The following KIF6 variants were observed in gnomAD, a reference collection of about 807,000 sequenced individuals.
KIF6 encodes kinesin family member 6, also known as kinesin-like protein KIF6.
Under a neutral mutation model 112.7 loss-of-function variants are expected in KIF6, and 106 were observed. The ratio of observed to expected loss-of-function variants is 0.94; its 90% CI spans 0.80 to 1.11. The LOEUF is 1.11. Among genes scored for constraint, KIF6 ranks in the 50% least tolerant of loss-of-function variants. The pLI, the probability that KIF6 is intolerant of heterozygous loss-of-function variation, is 0.00. For synonymous variants in KIF6, 339 were observed against 339.9 expected, an observed-to-expected ratio of 1.00 and a Z score of 0.03; for missense variants, 929 against 964.0, an observed-to-expected ratio of 0.96 and a Z score of 0.48.
At chr6:39,357,816 A>G (rs995002388) in intron 18 of KIF6, among the ~76,000 whole-genome samples, 6 of 152,208 alleles carry the variant, frequency 3.9e-5, no homozygotes, top group African/African-American at 1.4e-4. Context: ...ATGGCCAAAA[A>G]CAAATCTAGA....
chr6:39,669,207 T>C (rs1027799590), intron 3 of KIF6, among the ~76,000 whole-genome samples: 3 of 152,196 alleles, frequency 2.0e-5, no homozygotes. Context: ...AAGGTCACTT[T>C]TTAATTACTT....
At chr6:39,640,280 A>G (rs1784837459) in intron 3 of KIF6, among the ~76,000 whole-genome samples, 1 of 152,100 alleles carries the variant, frequency 6.6e-6, no homozygotes, top group Non-Finnish European at 1.5e-5. Flanking sequence ...ACTTTTTGGT[A>G]GAAGATGCTA....
At chr6:39,600,325 C>T (rs903858810) in intron 6 of KIF6, among the ~76,000 whole-genome samples, 1 of 152,128 alleles carries the variant, frequency 6.6e-6, no homozygotes, top group Non-Finnish European at 1.5e-5. Context: ...AGAGCTTTCA[C>T]GTTTCCTATT....
intron 15 of KIF6, among the ~76,000 whole-genome samples, chr6:39,390,048 A>AAAAAAAG (rs1258761315): frequency 7.3e-6 from 1 of 137,280 alleles, no homozygotes; most frequent in African/African-American, 3.1e-5. Flanking sequence ...AAAAAAAAAA[A>AAAAAAAG]AAAAGGAAAT....
chr6:39,450,208 T>G (rs1772598794), intron 13 of KIF6, among the ~76,000 whole-genome samples: 1 of 152,188 alleles, frequency 6.6e-6, no homozygotes, highest in African/African-American at 2.4e-5. Context: ...CAGAATGCTA[T>G]GGGGTCATCC....
At chr6:39,596,340 C>A in intron 6 of KIF6, 80 bp from the exon 7 acceptor site, 2 of 1,003,816 alleles carry the variant, frequency 2.0e-6, no homozygotes, top group South Asian at 1.5e-5. Context: ...AATAATATTT[C>A]TAGTGATAAG....
intron 14 of KIF6, among the ~76,000 whole-genome samples, chr6:39,422,074 G>A (rs1770414927): frequency 6.6e-6 from 1 of 152,126 alleles, no homozygotes; most frequent in South Asian, 2.1e-4. Context: ...TGTTCCATAG[G>A]CTTCTGGAAG....
At chr6:39,534,817 G>T (rs914402935) in intron 13 of KIF6, among the ~76,000 whole-genome samples, 1 of 152,236 alleles carries the variant, frequency 6.6e-6, no homozygotes. Flanking sequence ...AGGGAGAAAG[G>T]TTGGGTTACC....
At chr6:39,615,958 T>C (rs778715175) in intron 5 of KIF6, among the ~76,000 whole-genome samples, 1 of 152,086 alleles carries the variant, frequency 6.6e-6, no homozygotes, top group Non-Finnish European at 1.5e-5. Flanking sequence ...TCCCTAAACA[T>C]CCATAGGGTT....
At chr6:39,462,794 T>A (rs1773558158) in intron 13 of KIF6, among the ~76,000 whole-genome samples, 1 of 152,150 alleles carries the variant, frequency 6.6e-6, no homozygotes. Flanking sequence ...CATATATATA[T>A]TTGCTACTAG....
At chr6:39,449,475 A>T (rs141382505) in intron 13 of KIF6, among the ~76,000 whole-genome samples, 1,560 of 152,238 alleles carry the variant, frequency 0.01, 15 homozygotes, top group Non-Finnish European at 0.015. Context: ...ACTGTCTGGA[A>T]TGTTCTTTTC....
chr6:39,350,466 C>T (rs1764152938), intron 19 of KIF6, among the ~76,000 whole-genome samples: 1 of 152,140 alleles, frequency 6.6e-6, no homozygotes, highest in East Asian at 1.9e-4. Context: ...ATTTTTTCAC[C>T]TGTAAAGTGG....
At chr6:39,407,030 A>G (rs1376421199) in intron 15 of KIF6, among the ~76,000 whole-genome samples, 2 of 152,306 alleles carry the variant, frequency 1.3e-5, no homozygotes, top group East Asian at 3.9e-4. Context: ...CACTAGGATT[A>G]CAGGCATGAG....
chr6:39,670,154 A>G (rs773707573), intron 3 of KIF6, among the ~76,000 whole-genome samples: 2 of 152,316 alleles, frequency 1.3e-5, no homozygotes, highest in Non-Finnish European at 1.5e-5. Flanking sequence ...CAGAAACCCC[A>G]GCCTCAAAGA....
At chr6:39,452,469 G>A (rs1040539766) in intron 13 of KIF6, among the ~76,000 whole-genome samples, 2 of 152,180 alleles carry the variant, frequency 1.3e-5, no homozygotes, top group South Asian at 4.1e-4. Flanking sequence ...GCAATAATTT[G>A]CTCTCTGGAT....
In KIF6 at chr6:39,346,480, C is replaced by T. The variant is rs1483422388; in HGVS notation, c.2227G>A (p.Val743Ile). Residue 743 changes from valine (V) to isoleucine (I), a missense_variant, in exon 20 of 23, where the codon GTC becomes ATC. Transcript: ENST00000287152. Reference protein sequence around the residue: ...VQDQGTGRFDVCDVNARKILP... With the variant: ...VQDQGTGRFDICDVNARKILP... ...AACCGGGAAGGGGGTCCTCACCAGA[C>T]ATCGAATCTGCCAGTGCCTTGATCT... The T allele has an allele frequency of 8.4e-6, 6 of 716,088 alleles. No homozygotes were observed. Among genetic ancestry groups the T allele is most frequent in the Non-Finnish European group, 1.6e-5 (6 of 385,032 alleles). 44.4% of individuals were successfully genotyped at this position (716,088 alleles called of 1,614,324 possible).
chr6:39,576,963 G>T (rs1781007426), intron 10 of KIF6, among the ~76,000 whole-genome samples: 1 of 152,184 alleles, frequency 6.6e-6, no homozygotes, highest in Non-Finnish European at 1.5e-5. Flanking sequence ...TGAGGGGAAA[G>T]GAACACCATA....
intron 13 of KIF6, among the ~76,000 whole-genome samples, chr6:39,508,934 T>C (rs1256994052): frequency 1.3e-5 from 2 of 152,196 alleles, no homozygotes; most frequent in Non-Finnish European, 2.9e-5. Flanking sequence ...AGTGGGTCCC[T>C]GACCCCTGTG....
intron 13 of KIF6, among the ~76,000 whole-genome samples, chr6:39,449,124 T>C (rs752520968): frequency 3.0e-4 from 45 of 152,240 alleles, no homozygotes; most frequent in Non-Finnish European, 2.4e-4. Context: ...ATTTCTTCTC[T>C]GGACTGTCTC....
Sources: gnomAD v4.1 joint callset for allele counts (sites outside exome capture counted in the v4.1 genomes callset) on GRCh38, gnomAD v4.1.1 for gene constraint, MANE v1.5 for transcripts, NCBI Gene and HGNC (gene_info 2026-07-23, HGNC 2026-07-21) for gene names.